Variants in DOCK4 observed in about 807,000 individuals in gnomAD.
The protein encoded by DOCK4 is dedicator of cytokinesis 4, also known as dedicator of cytokinesis protein 4.
DOCK4 carries 97 observed loss-of-function variants against 268.1 expected under a neutral mutation model. The observed-to-expected ratio is 0.36, with a 90% CI of 0.31 to 0.43. The LOEUF is 0.43. DOCK4 is among the 20% of genes least tolerant of loss of function. The pLI, the probability that DOCK4 is intolerant of heterozygous loss-of-function variation, is 1.00. For missense variants in DOCK4, 2,145 were observed against 2,455.7 expected (o/e 0.87, Z 2.67); for synonymous variants, 954 against 887.2 (o/e 1.08, Z -1.34).
intron 8 of DOCK4, among the ~76,000 whole-genome samples, chr7:111,973,680 T>A (rs1797910994): frequency 6.6e-6 from 1 of 151,200 alleles, no homozygotes; most frequent in Admixed American, 6.6e-5. Context: ...GAGTTCCTTT[T>A]TTTTTTTTTA....
intron 44 of DOCK4, among the ~76,000 whole-genome samples, chr7:111,744,700 G>A (rs548478846): frequency 5.1e-4 from 77 of 152,272 alleles, no homozygotes; most frequent in African/African-American, 1.7e-3. Context: ...GAAGGTTAAA[G>A]TCATTGCATA....
intron 15 of DOCK4, 122 bp downstream of exon 15, chr7:111,900,252 T>C: frequency 8.1e-7 from 1 of 1,228,804 alleles, no homozygotes. Flanking sequence ...CTTTCTAGAA[T>C]GGAACAAACT....
chr7:111,735,016 T>C, intron 51 of DOCK4, 38 bp downstream of exon 51: 1 of 1,481,608 alleles, frequency 6.7e-7, no homozygotes, highest in Non-Finnish European at 9.2e-7. Flanking sequence ...TAAAAGTTAT[T>C]TTATAAAAGT....
At chr7:111,745,784 G>A (rs1157993092) in intron 44 of DOCK4, among the ~76,000 whole-genome samples, 3 of 145,994 alleles carry the variant, frequency 2.1e-5, no homozygotes, top group Non-Finnish European at 3.0e-5. Context: ...ACATGAAGTT[G>A]TTTGTTTCAC....
chr7:111,813,082 T>G (rs1041298691), intron 27 of DOCK4, among the ~76,000 whole-genome samples: 3 of 152,198 alleles, frequency 2.0e-5, no homozygotes, highest in African/African-American at 7.2e-5. Flanking sequence ...AGCATTATAC[T>G]AAAGCAAGAT....
At chr7:111,920,958 T>G (rs1793077919) in intron 12 of DOCK4, among the ~76,000 whole-genome samples, 1 of 152,036 alleles carries the variant, frequency 6.6e-6, no homozygotes, top group Admixed American at 6.6e-5. Flanking sequence ...AAAATTAAAA[T>G]TTCATAAAAT....
At chr7:112,062,782 C>A (rs1235279175) in intron 1 of DOCK4, among the ~76,000 whole-genome samples, 1 of 152,280 alleles carries the variant, frequency 6.6e-6, no homozygotes, top group East Asian at 1.9e-4. Context: ...CGGGTTCAAG[C>A]GATTCTCCTG....
In DOCK4 at chr7:112,165,931, C is replaced by T. The variant is rs79617351; in HGVS notation, c.37+40171G>A. On this transcript the variant is annotated intron_variant, in intron 1 of 52. Transcript: ENST00000428084. The stretch of plus-strand genomic sequence containing the variant: ...ATCCCTCGCCCCCTCCAAATAACTG[C>T]CACTTTCTGTATCTCTAGCACTATC... 5.5e-3 allele frequency among the ~76,000 whole-genome samples: 832 copies of T among 152,200 alleles called. 9 individuals carry two copies. Among genetic ancestry groups the T allele is most frequent in the African/African-American group, 0.018 (755 of 41,520 alleles).
rs77279032 is a variant in DOCK4 at position 111,791,248 on chromosome 7, T to C, written c.3167-643A>G. 3.0e-3 allele frequency among the ~76,000 whole-genome samples: 422 copies of C among 139,520 alleles called. 5 individuals are homozygous for C. Among genetic ancestry groups the C allele is most frequent in the African/African-American group, 0.013 (404 of 32,232 alleles). 91.5% of individuals were successfully genotyped at this position (139,520 alleles called of 152,430 possible). A position where few individuals can be genotyped will look rare whatever the true frequency, so the allele number is the denominator to read the frequency against. On this transcript the variant is annotated intron_variant, in intron 30 of 52. Coordinates refer to ENST00000428084, the MANE Select transcript of DOCK4 (RefSeq NM_001363540.2). ...GCAAAAAAGCAAGTGCAATACAGTA[T>C]GTATAGGAATATTTTTAATTTAAAA...
At chr7:111,740,999 T>C (rs1585840822) in intron 47 of DOCK4, 95 bp downstream of exon 47, 4 of 1,459,826 alleles carry the variant, frequency 2.7e-6, no homozygotes, top group South Asian at 2.6e-5. Context: ...TTCTTGCTTG[T>C]TGGTCTGTTC....
intron 1 of DOCK4, among the ~76,000 whole-genome samples, chr7:112,186,949 G>A (rs1006324467): frequency 6.6e-6 from 1 of 152,032 alleles, no homozygotes; most frequent in Non-Finnish European, 1.5e-5. Flanking sequence ...ATTGTCCAGG[G>A]AGGAAGAATA....
intron 1 of DOCK4, among the ~76,000 whole-genome samples, chr7:112,053,380 C>T (rs1199913260): frequency 1.3e-5 from 2 of 152,168 alleles, no homozygotes; most frequent in African/African-American, 4.8e-5. Flanking sequence ...ATTTTTGTGA[C>T]TCAGTGCATA....
At chr7:112,127,557 T>C (rs1433367581) in intron 1 of DOCK4, among the ~76,000 whole-genome samples, 6 of 125,422 alleles carry the variant, frequency 4.8e-5, no homozygotes, top group Admixed American at 4.4e-4. Context: ...ACTTAAAGTA[T>C]AATAATAATA....
chr7:111,955,223 T>A (rs1179217161), intron 8 of DOCK4, among the ~76,000 whole-genome samples: 1 of 152,238 alleles, frequency 6.6e-6, no homozygotes, highest in African/African-American at 2.4e-5. Context: ...AGATTATTAA[T>A]GTGCTTTCTA....
At chr7:112,039,657 G>T (rs1804183730) in intron 1 of DOCK4, among the ~76,000 whole-genome samples, 1 of 151,740 alleles carries the variant, frequency 6.6e-6, no homozygotes, top group Admixed American at 6.6e-5. Context: ...TCTCCTGTTT[G>T]GACAGAACTA....
intron 1 of DOCK4, among the ~76,000 whole-genome samples, chr7:112,004,379 A>G (rs1022184048): frequency 1.3e-5 from 2 of 152,218 alleles, no homozygotes; most frequent in Non-Finnish European, 2.9e-5. Flanking sequence ...CAATATATCA[A>G]TGCTATCACT....
chr7:111,764,993 A>G (rs922065511), intron 39 of DOCK4, 125 bp downstream of exon 39: 2 of 474,394 alleles, frequency 4.2e-6, no homozygotes, highest in South Asian at 5.8e-5. Context: ...CTGCAAAGTA[A>G]AAGTTTAAAA....
chr7:111,748,590 T>TG (rs1403056583), intron 42 of DOCK4, among the ~76,000 whole-genome samples: 1 of 152,082 alleles, frequency 6.6e-6, no homozygotes, highest in Admixed American at 6.5e-5. Flanking sequence ...CCCACTGAAA[T>TG]GGTAAAAATG....
chr7:111,735,406 A>T (rs1001502226), intron 50 of DOCK4, among the ~76,000 whole-genome samples: 5 of 152,216 alleles, frequency 3.3e-5, no homozygotes, highest in African/African-American at 1.2e-4. Flanking sequence ...GGGAACTACA[A>T]ATCTTTACAC....
Sources: gnomAD v4.1 joint callset for allele counts (sites outside exome capture counted in the v4.1 genomes callset) on GRCh38, gnomAD v4.1.1 for gene constraint, MANE v1.5 for transcripts, NCBI Gene and HGNC (gene_info 2026-07-23, HGNC 2026-07-21) for gene names.